The following KDM4C variants were observed in gnomAD, a reference collection of about 807,000 sequenced individuals.
KDM4C encodes lysine demethylase 4C.
A neutral mutation model predicts 129.3 loss-of-function variants in KDM4C; 81 were observed. The ratio of observed to expected loss-of-function variants is 0.63; its 90% CI spans 0.52 to 0.75. The LOEUF (loss-of-function observed/expected upper bound fraction) is 0.75. Ranked by LOEUF, KDM4C falls within the 30% of genes least tolerant of loss-of-function variation. The pLI is 0.00. For synonymous variants in KDM4C, 573 were observed against 456.1 expected (o/e 1.26, Z -3.26); for missense variants, 1,457 against 1,304.0 (o/e 1.12, Z -1.81).
chr9:7,158,991 C>G (rs943306744), intron 19 of KDM4C, among the ~76,000 whole-genome samples: 3 of 152,136 alleles, frequency 2.0e-5, no homozygotes, highest in East Asian at 3.8e-4. Flanking sequence ...TCTTTGTAGT[C>G]TCTAAGGACT....
chr9:6,974,252 C>G (rs534264785), intron 8 of KDM4C, among the ~76,000 whole-genome samples: 40 of 152,328 alleles, frequency 2.6e-4, no homozygotes, highest in Admixed American at 4.6e-4. Context: ...CTGAAAGACT[C>G]TCTAACAAGG....
intron 15 of KDM4C, among the ~76,000 whole-genome samples, chr9:7,038,529 C>G (rs1449743933): frequency 6.6e-6 from 1 of 151,948 alleles, no homozygotes; most frequent in Non-Finnish European, 1.5e-5. Flanking sequence ...AAATTTTAAG[C>G]TTTGTTATAA....
chr9:7,122,265 A>ACACACACACACTCTCT (rs375655422), intron 18 of KDM4C, among the ~76,000 whole-genome samples: 18 of 144,714 alleles, frequency 1.2e-4, no homozygotes, highest in African/African-American at 4.7e-4. Flanking sequence ...ACACACACAC[A>ACACACACACACTCTCT]CTCTCTCTCT....
chr9:7,169,364 T>A (rs904577344), intron 20 of KDM4C, among the ~76,000 whole-genome samples: 1 of 152,110 alleles, frequency 6.6e-6, no homozygotes, highest in African/African-American at 2.4e-5. Context: ...TGAGACGGAG[T>A]CTTACTCTGT....
chr9:6,816,113 A>G (rs1832042162), intron 4 of KDM4C, among the ~76,000 whole-genome samples: 1 of 152,196 alleles, frequency 6.6e-6, no homozygotes, highest in African/African-American at 2.4e-5. Flanking sequence ...CTAATAAGTG[A>G]TCTATGGGGT....
At chr9:6,993,077 C>G (rs969797528) in intron 12 of KDM4C, among the ~76,000 whole-genome samples, 6 of 152,136 alleles carry the variant, frequency 3.9e-5, no homozygotes, top group Admixed American at 2.0e-4. Flanking sequence ...GTGGCACATC[C>G]TGTAATTACA....
At chr9:6,756,731 CTG>C (rs1275640202), upstream of KDM4C, among the ~76,000 whole-genome samples, 1 of 152,138 alleles carries the variant, frequency 6.6e-6, no homozygotes, top group Non-Finnish European at 1.5e-5. Flanking sequence ...AAGAGTGTGT[CTG>C]TGTGTGTAGC....
At chr9:7,122,426 C>T (rs1839606275) in intron 18 of KDM4C, among the ~76,000 whole-genome samples, 1 of 152,136 alleles carries the variant, frequency 6.6e-6, no homozygotes, top group Admixed American at 6.5e-5. Context: ...TCAACATGAG[C>T]TTTGGGTGGG....
At chr9:6,901,843 A>G (rs971494275) in intron 8 of KDM4C, among the ~76,000 whole-genome samples, 1 of 152,200 alleles carries the variant, frequency 6.6e-6, no homozygotes, top group Admixed American at 6.5e-5. Context: ...TGGCTAAAAA[A>G]CTAAGTAAGA....
rs541727102 is a variant in KDM4C at position 6,761,272 on chromosome 9, G to A, written c.-18+3069G>A. Among the ~76,000 whole-genome samples the A allele has an allele frequency of 1.6e-4, 24 of 152,170 alleles. No homozygotes were observed. The South Asian group carries it at 4.1e-3, about 26-fold the overall frequency. Reference sequence around the variant, plus strand: ...GATCCGCCCACCTTGGACTCCCAAAGTGCTGGGATTACAGGTGTGAACCAC... The same window carrying A: ...GATCCGCCCACCTTGGACTCCCAAAATGCTGGGATTACAGGTGTGAACCAC... On this transcript the variant is annotated intron_variant, in intron 1 of 21. Transcript: ENST00000381309.
intron 4 of KDM4C, chr9:6,815,187 AATAT>A (rs532694424): frequency 6.6e-6 from 1 of 151,274 alleles, no homozygotes; most frequent in Non-Finnish European, 1.5e-5. Context: ...GACAAATTGT[AATAT>A]ATATATATAT....
At position 7,040,340 on chromosome 9, in the gene KDM4C, TTCCTCTTTCC is replaced by T. The variant is rs1254591540; in HGVS notation, c.2260-6521_2260-6512del. On this transcript the variant is annotated intron_variant, in intron 15 of 21. Transcript: ENST00000381309. ...GTCTCTCTTTCCCTCCCTCCCTCCC[TTCCTCTTTCC>T]CTCTCTCTCTACCCCACTCTGTGTG... 2.2e-5 allele frequency among the ~76,000 whole-genome samples: 3 copies of T among 137,376 alleles called. No individual in the cohort carries two copies. In the East Asian group the frequency reaches 7.7e-4, roughly 35 times the overall value. 90.1% of individuals were successfully genotyped at this position (137,376 alleles called of 152,430 possible). A position where few individuals can be genotyped will look rare whatever the true frequency, so the allele number is the denominator to read the frequency against.
At chr9:6,847,622 C>T (rs559926474) in intron 4 of KDM4C, among the ~76,000 whole-genome samples, 1 of 152,240 alleles carries the variant, frequency 6.6e-6, no homozygotes, top group South Asian at 2.1e-4. Flanking sequence ...GATCTCCTGA[C>T]CTCATGATCC....
At chr9:7,141,440 C>T (rs1841733357) in intron 19 of KDM4C, among the ~76,000 whole-genome samples, 1 of 152,142 alleles carries the variant, frequency 6.6e-6, no homozygotes, top group Admixed American at 6.5e-5. Context: ...GAGAATGTTG[C>T]AGTAAATCAG....
intron 8 of KDM4C, among the ~76,000 whole-genome samples, chr9:6,969,085 A>T (rs148566069): frequency 0.01 from 1,589 of 152,122 alleles, 26 homozygotes; most frequent in African/African-American, 0.036. Flanking sequence ...ACAGGCACGG[A>T]TCACCACACC....
At chr9:6,869,212 C>G (rs1272749151) in intron 5 of KDM4C, among the ~76,000 whole-genome samples, 1 of 152,062 alleles carries the variant, frequency 6.6e-6, no homozygotes, top group Non-Finnish European at 1.5e-5. Flanking sequence ...CATATGGTTG[C>G]TAGGGTTTCT....
At chr9:6,846,827 T>C (rs748147712) in intron 4 of KDM4C, among the ~76,000 whole-genome samples, 2 of 152,202 alleles carry the variant, frequency 1.3e-5, no homozygotes, top group Admixed American at 6.5e-5. Context: ...TCAGTTCTAA[T>C]AATTAAATTT....
intron 8 of KDM4C, among the ~76,000 whole-genome samples, chr9:6,916,701 A>G (rs1431547375): frequency 1.3e-5 from 2 of 152,220 alleles, no homozygotes; most frequent in Non-Finnish European, 2.9e-5. Context: ...CTAACTTACA[A>G]AGAGATTTTA....
At chr9:6,935,688 A>G (rs1378210204) in intron 8 of KDM4C, among the ~76,000 whole-genome samples, 1 of 152,036 alleles carries the variant, frequency 6.6e-6, no homozygotes, top group Non-Finnish European at 1.5e-5. Context: ...ATCATCCAAA[A>G]CTTCGTTTTT....
Sources: gnomAD v4.1 joint callset for allele counts (sites outside exome capture counted in the v4.1 genomes callset) on GRCh38, gnomAD v4.1.1 for gene constraint, MANE v1.5 for transcripts, NCBI Gene and HGNC (gene_info 2026-07-23, HGNC 2026-07-21) for gene names.